The following BRINP1 variants were observed in gnomAD, a reference collection of about 807,000 sequenced individuals.
BRINP1 encodes the protein BMP/retinoic acid-inducible neural-specific protein 1.
A neutral mutation model predicts 72.9 loss-of-function variants in BRINP1; 17 were observed. The ratio of observed to expected loss-of-function variants is 0.23; its 90% CI spans 0.16 to 0.35. BRINP1 has a LOEUF of 0.35. BRINP1 is among the 10% of genes least tolerant of loss of function. The pLI is 1.00. For missense variants in BRINP1, 850 were observed against 1,001.6 expected, an observed-to-expected ratio of 0.85 and a Z score of 2.04; for synonymous variants, 418 against 378.5, an observed-to-expected ratio of 1.10 and a Z score of -1.21.
At chr9:119,309,053 A>T (rs1027917353) in intron 2 of BRINP1, among the ~76,000 whole-genome samples, 3 of 152,174 alleles carry the variant, frequency 2.0e-5, no homozygotes, top group Admixed American at 2.0e-4. Flanking sequence ...CTTTGAAATT[A>T]CCATGAGAAT....
chr9:119,222,549 T>C (rs1300984884), intron 5 of BRINP1, among the ~76,000 whole-genome samples: 1 of 152,026 alleles, frequency 6.6e-6, no homozygotes, highest in African/African-American at 2.4e-5. Context: ...TGTTTATTCA[T>C]TTGTCAAGCA....
intron 2 of BRINP1, among the ~76,000 whole-genome samples, chr9:119,310,634 T>G (rs993894225): frequency 6.6e-6 from 1 of 152,158 alleles, no homozygotes; most frequent in Non-Finnish European, 1.5e-5. Flanking sequence ...AGGAGGGAAC[T>G]GGTGGAAGCT....
chr9:119,315,524 C>T (rs183528649), intron 1 of BRINP1, among the ~76,000 whole-genome samples: 31 of 152,142 alleles, frequency 2.0e-4, no homozygotes, highest in Non-Finnish European at 3.8e-4. Flanking sequence ...GCCTACTCCC[C>T]GAGAAATAAT....
At chr9:119,299,266 G>C (rs981998885) in intron 2 of BRINP1, among the ~76,000 whole-genome samples, 6 of 152,016 alleles carry the variant, frequency 3.9e-5, no homozygotes, top group Non-Finnish European at 8.8e-5. Context: ...CCTGGTAACC[G>C]CCATTCTACT....
chr9:119,338,210 A>G lies in BRINP1; in HGVS notation c.-50-24805T>C, dbSNP rs117014269. Among the ~76,000 whole-genome samples the G allele has an allele frequency of 5.9e-3, 880 of 150,032 alleles. 7 individuals carry two copies. The highest frequency in any genetic ancestry group is 0.01 in the Non-Finnish European group (690 of 67,590). ...TCTAAGGCTCTGATTAGTTTCTGGT[A>G]TTCAGATTATGAGGTTTTTGTTTTT... On this transcript the variant is annotated intron_variant, in intron 1 of 7. Coordinates refer to ENST00000265922, the MANE Select transcript of BRINP1 (RefSeq NM_014618.3).
At chr9:119,231,122 A>G (rs1393882155) in intron 5 of BRINP1, among the ~76,000 whole-genome samples, 6 of 152,166 alleles carry the variant, frequency 3.9e-5, no homozygotes, top group African/African-American at 1.4e-4. Flanking sequence ...CACATCATCA[A>G]TAATAAAAAG....
intron 2 of BRINP1, among the ~76,000 whole-genome samples, chr9:119,275,569 C>G (rs182060586): frequency 6.6e-6 from 1 of 152,250 alleles, no homozygotes; most frequent in Admixed American, 6.5e-5. Context: ...CAAGATTAAT[C>G]CTGAAATGGA....
At chr9:119,264,472 T>G (rs1830528649) in intron 2 of BRINP1, among the ~76,000 whole-genome samples, 2 of 152,234 alleles carry the variant, frequency 1.3e-5, no homozygotes, top group South Asian at 4.1e-4. Flanking sequence ...CCACTGTCTA[T>G]GAGACAAATA....
At chr9:119,323,250 C>G (rs1363346786) in intron 1 of BRINP1, among the ~76,000 whole-genome samples, 6 of 152,190 alleles carry the variant, frequency 3.9e-5, no homozygotes, top group African/African-American at 1.4e-4. Flanking sequence ...GGATTGGTGT[C>G]TAACTCACAT....
chr9:119,348,529 G>A (rs1223185907), intron 1 of BRINP1, among the ~76,000 whole-genome samples: 1 of 152,142 alleles, frequency 6.6e-6, no homozygotes, highest in Non-Finnish European at 1.5e-5. Context: ...TGTAGCTGTC[G>A]CTGTACCATT....
At chr9:119,255,639 A>C (rs1268113160) in intron 2 of BRINP1, among the ~76,000 whole-genome samples, 2 of 152,194 alleles carry the variant, frequency 1.3e-5, no homozygotes, top group African/African-American at 4.8e-5. Flanking sequence ...CACAGTGCAC[A>C]GAAGGAGACA....
At chr9:119,287,838 A>G (rs1055945805) in intron 2 of BRINP1, among the ~76,000 whole-genome samples, 6 of 152,218 alleles carry the variant, frequency 3.9e-5, no homozygotes, top group Non-Finnish European at 1.5e-5. Context: ...CTGAAAAATT[A>G]AAGACCTGGG....
At chr9:119,249,610 T>C (rs1830357272) in intron 2 of BRINP1, among the ~76,000 whole-genome samples, 1 of 152,214 alleles carries the variant, frequency 6.6e-6, no homozygotes, top group East Asian at 1.9e-4. Context: ...AGGGGATTAT[T>C]ATCCATTTCT....
rs1201141498 is a variant in BRINP1 at position 119,216,283 on chromosome 9, G to A, written c.686-2128C>T. Among the ~76,000 whole-genome samples the A allele has an allele frequency of 4.6e-5, 7 of 152,188 alleles. 1 individual carries two copies. The highest frequency in any genetic ancestry group is 1.0e-4 in the Non-Finnish European group (7 of 68,030). On this transcript the variant is annotated intron_variant, in intron 5 of 7. Coordinates refer to ENST00000265922, the MANE Select transcript of BRINP1 (RefSeq NM_014618.3). ...AACCAGCATTGGTGACAGGGCTGTT[G>A]AGAAAGGTGTATATGTCAATATGCA...
intron 1 of BRINP1, among the ~76,000 whole-genome samples, chr9:119,334,162 T>C (rs552684870): frequency 1.3e-5 from 2 of 152,262 alleles, no homozygotes; most frequent in East Asian, 3.9e-4. Flanking sequence ...CCTCAAAATA[T>C]CATACCTGCT....
At chr9:119,172,758 C>A (rs1369688916) in intron 7 of BRINP1, among the ~76,000 whole-genome samples, 2 of 152,040 alleles carry the variant, frequency 1.3e-5, no homozygotes, top group East Asian at 3.9e-4. Flanking sequence ...CTGAATCCAG[C>A]AACACATCAA....
chr9:119,239,984 AC>A lies in BRINP1; in HGVS notation c.580-1225del, dbSNP rs369230279. On this transcript the variant is annotated intron_variant, in intron 4 of 7. Coordinates refer to ENST00000265922, the MANE Select transcript of BRINP1 (RefSeq NM_014618.3). ...CGGGTTAGTGGCTGGTCTTAAACAG[AC>A]CCAGGCCAGCTGCAGTGGTTCATGA... Among the ~76,000 whole-genome samples the A allele has an allele frequency of 3.0e-4, 45 of 152,162 alleles. No individual in the cohort carries two copies. The East Asian group carries it at 8.5e-3, about 29-fold the overall frequency.
At chr9:119,288,947 T>A (rs1176682829) in intron 2 of BRINP1, among the ~76,000 whole-genome samples, 3 of 152,154 alleles carry the variant, frequency 2.0e-5, no homozygotes, top group Non-Finnish European at 4.4e-5. Flanking sequence ...ATTACAGGCA[T>A]GTGCCGCCAC....
At chr9:119,282,885 G>T (rs74775082) in intron 2 of BRINP1, 1 of 985,360 alleles carries the variant, frequency 1.0e-6, no homozygotes, top group Admixed American at 6.1e-5. Flanking sequence ...GCTTTTCCCT[G>T]TGTACCGCAA....
Sources: gnomAD v4.1 joint callset for allele counts (sites outside exome capture counted in the v4.1 genomes callset) on GRCh38, gnomAD v4.1.1 for gene constraint, MANE v1.5 for transcripts, NCBI Gene and HGNC (gene_info 2026-07-23, HGNC 2026-07-21) for gene names.